The following TNFRSF10B variants were observed in gnomAD, a reference collection of about 807,000 sequenced individuals.
The protein encoded by TNFRSF10B is TNF receptor superfamily member 10b, also known as tumor necrosis factor receptor superfamily member 10B.
In TNFRSF10B, 35 loss-of-function variants were observed where a neutral mutation model predicts 41.4. The observed-to-expected ratio is 0.85, with a 90% CI of 0.65 to 1.12. The LOEUF (loss-of-function observed/expected upper bound fraction) is 1.12, where lower values mean the gene tolerates loss of function less well. Among genes scored for constraint, TNFRSF10B ranks in the 50% most tolerant of loss-of-function variants. The probability of loss-of-function intolerance (pLI) is 0.00; values close to 1 mark genes in which losing one functional copy is unlikely to be tolerated. For synonymous variants in TNFRSF10B, 230 were observed against 215.5 expected, an observed-to-expected ratio of 1.07 and a Z score of -0.59; for missense variants, 584 against 552.7, an observed-to-expected ratio of 1.06 and a Z score of -0.57.
rs542609469 is a variant in TNFRSF10B at position 23,023,353 on chromosome 8, C to T, written c.1010-369G>A. On this transcript the variant is annotated intron_variant, in intron 8 of 8. Transcript: ENST00000276431. ...AGGAGGGAGGAGGCTGCCTGGGCTGCGCTTGTCATGGGAGCAGGTCCCAGG... is the reference window on the plus strand; with the variant it reads ...AGGAGGGAGGAGGCTGCCTGGGCTGTGCTTGTCATGGGAGCAGGTCCCAGG... Among the ~76,000 whole-genome samples the T allele has an allele frequency of 5.9e-5, 9 of 152,282 alleles. No individual in the cohort carries two copies. The South Asian group carries it at 1.2e-3, about 21-fold the overall frequency.
chr8:23,043,386 T>C lies in TNFRSF10B; in HGVS notation c.145-143A>G, dbSNP rs1005522577. 1.3e-4 allele frequency: 87 copies of C among 664,626 alleles called. No homozygotes were observed. In the South Asian group the frequency reaches 1.3e-3, roughly 10 times the overall value. 41.2% of individuals were successfully genotyped at this position (664,626 alleles called of 1,614,324 possible). ...CAGCTCTCACCTCTCAAACATCCTT[T>C]AGTGTTTGTTTGTCCCTTCATATTT... On this transcript the variant is annotated intron_variant, in intron 1 of 8. Transcript: ENST00000276431.
intron 2 of TNFRSF10B, among the ~76,000 whole-genome samples, chr8:23,033,812 A>AGAGAGAGAGCGAGCAAGC (rs1456618464): frequency 2.6e-5 from 4 of 151,486 alleles, no homozygotes; most frequent in African/African-American, 7.3e-5. Flanking sequence ...AGAGGGGGGG[A>AGAGAGAGAGCGAGCAAGC]GAGAGAGAGC....
Position 23,022,219 on chromosome 8 carries a change from C to G in TNFRSF10B, c.*452G>C, listed in dbSNP as rs1405735796. ...AGGCTATAGTGAGCCAAGATTGCAC[C>G]ATTGCACTCCAGCCTGGGAGACAGA... On this transcript the variant is annotated 3_prime_UTR_variant, in exon 9 of 9. Coordinates refer to ENST00000276431, the MANE Select transcript of TNFRSF10B (RefSeq NM_003842.5). 2.2e-6 allele frequency: 1 copy of G among 452,952 alleles called. No individual in the cohort carries two copies. Among genetic ancestry groups the G allele is most frequent in the South Asian group, 1.6e-5 (1 of 64,420 alleles). The allele number at this position is 452,952 out of a possible 1,614,324, so 28.1% of individuals were successfully genotyped here.
In TNFRSF10B at chr8:23,043,590, ATTCTCTCT is replaced by A. The variant is rs547830156; in HGVS notation, c.145-355_145-348del. On this transcript the variant is annotated intron_variant, in intron 1 of 8. Transcript: ENST00000276431. The stretch of plus-strand genomic sequence containing the variant: ...CCACTATTTTTCCATAGGTATGCCT[ATTCTCTCT>A]TTCTCTCTTTCTCTTATTCTCTCTC... Among the ~76,000 whole-genome samples the A allele has an allele frequency of 1.3e-3, 200 of 152,292 alleles. 4 individuals carry two copies. Among genetic ancestry groups the A allele is most frequent in the Admixed American group, 7.9e-3 (121 of 15,290 alleles).
intron 2 of TNFRSF10B, among the ~76,000 whole-genome samples, chr8:23,038,341 AGT>A (rs1047201009): frequency 2.0e-5 from 3 of 152,232 alleles, no homozygotes; most frequent in African/African-American, 7.2e-5. Flanking sequence ...TGAGGTGCTT[AGT>A]GAGGGCACAG....
chr8:23,020,393 GCTTA>G lies in TNFRSF10B; in HGVS notation c.*2274_*2277del, dbSNP rs1811475581. 2.2e-6 allele frequency: 1 copy of G among 454,038 alleles called. No individual in the cohort carries two copies. The highest frequency in any genetic ancestry group is 2.0e-5 in the African/African-American group (1 of 50,106). 28.1% of individuals were successfully genotyped at this position (454,038 alleles called of 1,614,324 possible). On this transcript the variant is annotated 3_prime_UTR_variant, in exon 9 of 9. Coordinates refer to ENST00000276431, the MANE Select transcript of TNFRSF10B (RefSeq NM_003842.5). The stretch of plus-strand genomic sequence containing the variant: ...CCCAATTATTTCATGTCGTCAGGAA[GCTTA>G]CTTTAAAAGAATAGCTTGGCCTGGC...
intron 2 of TNFRSF10B, among the ~76,000 whole-genome samples, chr8:23,031,284 G>T (rs1811875960): frequency 6.6e-6 from 1 of 152,070 alleles, no homozygotes; most frequent in Admixed American, 6.5e-5. Flanking sequence ...CACCGTATTG[G>T]CCAGGCTAGT....
At chr8:23,061,654 G>A (rs1049463208) in intron 1 of TNFRSF10B, among the ~76,000 whole-genome samples, 3 of 152,304 alleles carry the variant, frequency 2.0e-5, no homozygotes, top group African/African-American at 7.2e-5. Context: ...CACTGAGTAT[G>A]ATGTTAGCTG....
rs1812254891 is a variant in TNFRSF10B at position 23,043,112 on chromosome 8, G to C, written c.250+26C>G. 9 of 1,602,630 alleles carry C rather than the reference G, an allele frequency of 5.6e-6. No individual in the cohort carries two copies. The East Asian group carries it at 2.0e-4, about 36-fold the overall frequency. ...ATGGAGACAAGGGGAGGAGGGGCAA[G>C]GATTAGAGACCCATCTTGAACATAC... On this transcript the variant is annotated intron_variant, in intron 2 of 8. Transcript: ENST00000276431.
chr8:23,040,646 C>A (rs4404916), intron 2 of TNFRSF10B, among the ~76,000 whole-genome samples: 7,069 of 151,610 alleles, frequency 0.047, 290 homozygotes, highest in South Asian at 0.2. Flanking sequence ...AGAAACAAAT[C>A]TTTTCTTGTC....
At position 23,021,363 on chromosome 8, in the gene TNFRSF10B, G is replaced by A. The variant is rs1041518314; in HGVS notation, c.*1308C>T. On this transcript the variant is annotated 3_prime_UTR_variant, in exon 9 of 9. Coordinates refer to ENST00000276431, the MANE Select transcript of TNFRSF10B (RefSeq NM_003842.5). ...CTAAAAGGCAGCTCATGGGCTCAGG[G>A]TGACAGATAACCAGAAGTGAGCCGG... is the stretch of plus-strand genomic sequence containing the variant. 12 of 454,108 alleles carry A rather than the reference G, an allele frequency of 2.6e-5. No individual in the cohort carries two copies. Among genetic ancestry groups the A allele is most frequent in the African/African-American group, 1.8e-4 (9 of 50,112 alleles). The allele number at this position is 454,108 out of a possible 1,614,324, so 28.1% of individuals were successfully genotyped here. A position where few individuals can be genotyped will look rare whatever the true frequency, so the allele number is the denominator to read the frequency against.
At chr8:23,067,225 G>A (rs899627031) in intron 1 of TNFRSF10B, among the ~76,000 whole-genome samples, 24 of 151,878 alleles carry the variant, frequency 1.6e-4, no homozygotes, top group Admixed American at 2.6e-4. Context: ...TGATCTGCCC[G>A]CCTCGGCCTC....
chr8:23,058,458 A>G (rs1812732674), intron 1 of TNFRSF10B, among the ~76,000 whole-genome samples: 1 of 149,260 alleles, frequency 6.7e-6, no homozygotes, highest in African/African-American at 2.5e-5. Flanking sequence ...TTAATTGAGT[A>G]TGTTTTAGAA....
At chr8:23,029,810 T>C (rs1811826328) in intron 3 of TNFRSF10B, 89 bp from the exon 4 acceptor site, 6 of 1,336,784 alleles carry the variant, frequency 4.5e-6, no homozygotes, top group Non-Finnish European at 6.3e-6. Context: ...GCTACTCAGC[T>C]CAACTCAGTT....
At position 23,022,886 on chromosome 8, in the gene TNFRSF10B, C is replaced by T. The variant is rs538817078; in HGVS notation, c.1108G>A (p.Val370Met). 760 of 1,614,074 alleles carry T rather than the reference C, an allele frequency of 4.7e-4. 13 individuals carry two copies. The South Asian group carries it at 7.9e-3, about 17-fold the overall frequency. Residue 370 changes from valine to methionine, a missense_variant, in exon 9 of 9, where the codon GTG (valine) becomes ATG (methionine). Physicochemically the swap from Val to Met is conservative, Grantham distance 21 (BLOSUM62 1). Coordinates refer to ENST00000276431, the MANE Select transcript of TNFRSF10B (RefSeq NM_003842.5). ...TGGCCCGCTGCCTCAGCTTTAGCCA[C>T]CTTTATCTCATTGTCCATGAGGCCC... ...KLGLMDNEIKVAKAEAAGHRD... is the reference protein window; with the variant it reads ...KLGLMDNEIKMAKAEAAGHRD...
intron 1 of TNFRSF10B, among the ~76,000 whole-genome samples, chr8:23,062,175 G>A (rs1169726080): frequency 1.3e-5 from 2 of 151,996 alleles, no homozygotes; most frequent in Admixed American, 6.6e-5. Context: ...TAGTATTGAA[G>A]AATCAATGTT....
rs79780610 is a variant in TNFRSF10B, at chr8:23,062,665, A to G, written c.144+6086T>C. 1.4e-3 allele frequency among the ~76,000 whole-genome samples: 209 copies of G among 152,112 alleles called. 3 individuals are homozygous for G. Among genetic ancestry groups the G allele is most frequent in the African/African-American group, 4.9e-3 (202 of 41,480 alleles). ...GATTTAAGATCCTTCTTCTTTTTTA[A>G]TTAAACCATTTCTGGCTATAAATAT... On this transcript the variant is annotated intron_variant, in intron 1 of 8. Coordinates refer to ENST00000276431, the MANE Select transcript of TNFRSF10B (RefSeq NM_003842.5).
At position 23,024,346 on chromosome 8, in the gene TNFRSF10B, C is replaced by T. The variant is rs1041168635; in HGVS notation, c.937-86G>A. ...CCCCGACCACCAGCCAGCTCTGAGACCTGCAGCACGTCACTTCCAGAACAT... is the reference window on the plus strand; with the variant it reads ...CCCCGACCACCAGCCAGCTCTGAGATCTGCAGCACGTCACTTCCAGAACAT... On this transcript the variant is annotated intron_variant, in intron 7 of 8. Coordinates refer to ENST00000276431, the MANE Select transcript of TNFRSF10B (RefSeq NM_003842.5). 28 of 1,408,834 alleles carry T rather than the reference C, an allele frequency of 2.0e-5. No homozygotes were observed. The African/African-American group carries it at 2.7e-4, about 14-fold the overall frequency. 87.3% of individuals were successfully genotyped at this position (1,408,834 alleles called of 1,614,324 possible). A position where few individuals can be genotyped will look rare whatever the true frequency, so the allele number is the denominator to read the frequency against.
intron 2 of TNFRSF10B, among the ~76,000 whole-genome samples, chr8:23,032,355 A>G: frequency 6.6e-6 from 1 of 152,222 alleles, no homozygotes; most frequent in East Asian, 1.9e-4. Flanking sequence ...ACCATCAGCC[A>G]TGGGAAGAAA....
Sources: gnomAD v4.1 joint callset for allele counts (sites outside exome capture counted in the v4.1 genomes callset) on GRCh38, gnomAD v4.1.1 for gene constraint, MANE v1.5 for transcripts, NCBI Gene and HGNC (gene_info 2026-07-23, HGNC 2026-07-21) for gene names.